SCAMP3: variants seen among roughly 807,000 people sequenced by gnomAD.
SCAMP3 encodes secretory carrier membrane protein 3, also known as secretory carrier-associated membrane protein 3.
A neutral mutation model predicts 44.1 loss-of-function variants in SCAMP3; 30 were observed. The observed-to-expected ratio is 0.68, with a 90% CI of 0.51 to 0.92. The LOEUF is 0.92. Among genes scored for constraint, SCAMP3 ranks in the 40% least tolerant of loss-of-function variants. The pLI is 0.00. For missense variants in SCAMP3, 394 were observed against 440.0 expected (o/e 0.90, Z 0.93); for synonymous variants, 168 against 171.1 (o/e 0.98, Z 0.14).
rs761496055 is a variant in SCAMP3 at position 155,257,278 on chromosome 1, C to T, written c.779+7G>A. 6.3e-7 allele frequency: 1 copy of T among 1,593,754 alleles called. No individual in the cohort carries two copies. Among genetic ancestry groups the T allele is most frequent in the East Asian group, 2.2e-5 (1 of 44,786 alleles). Reference sequence around the variant, plus strand: ...GAAAGGTGAGGGTGGATAACAGCCTCACAAACCTGAATCCCCAACCTGGGA... The same window carrying T: ...GAAAGGTGAGGGTGGATAACAGCCTTACAAACCTGAATCCCCAACCTGGGA... On this transcript the variant is annotated splice_region_variant and intron_variant, in intron 7 of 8. Coordinates refer to ENST00000302631, the MANE Select transcript of SCAMP3 (RefSeq NM_005698.4).
intron 2 of SCAMP3, chr1:155,261,383 C>T (rs749786276): frequency 4.2e-6 from 2 of 481,786 alleles, no homozygotes; most frequent in South Asian, 2.9e-5. Context: ...TTATTTTCTT[C>T]AAGAAAGCCT....
intron 5 of SCAMP3, among the ~76,000 whole-genome samples, chr1:155,258,491 C>A (rs1672866980): frequency 6.6e-6 from 1 of 151,950 alleles, no homozygotes; most frequent in South Asian, 2.1e-4. Context: ...CATGTGCCAC[C>A]ACGCCCAGGT....
intron 5 of SCAMP3, among the ~76,000 whole-genome samples, chr1:155,257,918 T>C (rs550635673): frequency 2.8e-4 from 42 of 151,576 alleles, no homozygotes; most frequent in East Asian, 1.6e-3. Flanking sequence ...AATCTCAGCT[T>C]ACTGCAAGCT....
At chr1:155,258,168 C>T (rs746653132) in intron 5 of SCAMP3, among the ~76,000 whole-genome samples, 28 of 151,744 alleles carry the variant, frequency 1.8e-4, no homozygotes, top group Non-Finnish European at 3.4e-4. Flanking sequence ...TACAGGCACC[C>T]GCCACCACGC....
intron 1 of SCAMP3, 150 bp downstream of exon 1, chr1:155,261,936 G>C (rs961464174): frequency 1.2e-6 from 1 of 839,260 alleles, no homozygotes; most frequent in African/African-American, 1.7e-5. Flanking sequence ...CCGCCCCCCA[G>C]AGTGCTCACT....
At position 155,260,321 on chromosome 1, in the gene SCAMP3, A is replaced by C; in HGVS notation, c.388+9T>G. The C allele has an allele frequency of 6.2e-7, 1 of 1,609,646 alleles. No homozygotes were observed. Among genetic ancestry groups the C allele is most frequent in the South Asian group, 1.1e-5 (1 of 91,076 alleles). On this transcript the variant is annotated intron_variant, in intron 4 of 8. Transcript: ENST00000302631. ...ACTCTCAGATGCTCTTCCCCACTCT[A>C]TTACTTACTAGCTGTGCCCCCCAGG... is the stretch of plus-strand genomic sequence containing the variant.
At chr1:155,259,104 T>A in intron 4 of SCAMP3, 150 bp from the exon 5 acceptor site, 2 of 647,530 alleles carry the variant, frequency 3.1e-6, no homozygotes, top group Non-Finnish European at 4.8e-6. Context: ...TGGAAGGTAG[T>A]GGTATGATCA....
At chr1:155,256,490 A>T (rs929567045) in intron 8 of SCAMP3, 71 bp from the exon 9 acceptor site, 1 of 1,522,730 alleles carries the variant, frequency 6.6e-7, no homozygotes, top group Non-Finnish European at 9.0e-7. Context: ...TAACAGCATC[A>T]CTACCACTCA....
At position 155,262,106 on chromosome 1, in the gene SCAMP3, C is replaced by T; in HGVS notation, c.46G>A (p.Glu16Lys). ...DGGNPFAEPS[E>K]LDNPFQDPAV... ...GTCACCTGAAAGGGGTTGTCAAGCT[C>T]GCTGGGCTCGGCGAACGGGTTTCCG... is the stretch of plus-strand genomic sequence containing the variant. The change falls in exon 1 of 9, where the codon GAG becomes AAG. Residue 16 changes from glutamate (E) to lysine (K), a missense_variant. By Grantham distance (56) the Glu-to-Lys change is moderately conservative. Transcript: ENST00000302631. 7 of 1,614,158 alleles carry T rather than the reference C, an allele frequency of 4.3e-6. No homozygotes were observed. The highest frequency in any genetic ancestry group is 5.1e-6 in the Non-Finnish European group (6 of 1,180,030).
intron 8 of SCAMP3, 61 bp downstream of exon 8, chr1:155,256,613 C>T (rs1572001674): frequency 6.7e-7 from 1 of 1,490,730 alleles, no homozygotes; most frequent in Non-Finnish European, 9.4e-7. Context: ...GAATGTTCCA[C>T]CCACGCCCCT....
rs759790975 is a variant in SCAMP3, at chr1:155,258,855, G to C, written c.488C>G (p.Thr163Ser). Residue 163 changes from threonine to serine, a missense_variant, in exon 5 of 9, where the codon ACT becomes AGT. Coordinates refer to ENST00000302631, the MANE Select transcript of SCAMP3 (RefSeq NM_005698.4). ...SMEIPQEFQK[T>S]VSTMYYLWMC... ...CCAGAGGTAGTACATGGTGGATACA[G>C]TCTTCTGAAATTCTTGGGGGATCTC... 1 of 1,613,162 alleles carries C rather than the reference G, an allele frequency of 6.2e-7. No individual in the cohort carries two copies. The highest frequency in any genetic ancestry group is 2.2e-5 in the East Asian group (1 of 44,802).
chr1:155,261,544 T>A (rs1170996012), intron 2 of SCAMP3, 113 bp downstream of exon 2: 6 of 949,422 alleles, frequency 6.3e-6, no homozygotes, highest in Admixed American at 5.2e-5. Flanking sequence ...GGAACTAAGA[T>A]CACAGTGCCT....
intron 4 of SCAMP3, among the ~76,000 whole-genome samples, chr1:155,259,473 C>T (rs1195295315): frequency 1.3e-5 from 2 of 152,166 alleles, no homozygotes; most frequent in African/African-American, 2.4e-5. Context: ...CCTGGCCGTC[C>T]ACCTCAGCTT....
Position 155,260,390 on chromosome 1 carries a change from C to T in SCAMP3, c.328G>A (p.Ala110Thr). The T allele has an allele frequency of 8.1e-6, 13 of 1,613,976 alleles. No individual in the cohort carries two copies. Among genetic ancestry groups the T allele is most frequent in the Non-Finnish European group, 1.1e-5 (13 of 1,180,046 alleles). The change falls in exon 4 of 9, where the codon GCA becomes ACA. Residue 110 changes from alanine to threonine, a missense_variant. Physicochemically the swap from Ala to Thr is moderately conservative, Grantham distance 58. Transcript: ENST00000302631. ...LKKQEELNRK[A>T]EELDRREREL... Reference sequence around the variant, plus strand: ...CGCTCCCTTCGGTCCAACTCCTCTGCCTTCCGGTTGAGCTCCTCCTGTTTC... The same window carrying T: ...CGCTCCCTTCGGTCCAACTCCTCTGTCTTCCGGTTGAGCTCCTCCTGTTTC...
intron 5 of SCAMP3, among the ~76,000 whole-genome samples, chr1:155,258,001 C>T (rs548388778): frequency 4.0e-4 from 59 of 148,676 alleles, no homozygotes; most frequent in East Asian, 1.6e-3. Context: ...CCCGCCACCA[C>T]GCCCAGCTAA....
Position 155,262,119 on chromosome 1 carries a change from G to A in SCAMP3, c.33C>T (p.Phe11=). 1 of 1,614,102 alleles carries A rather than the reference G, an allele frequency of 6.2e-7. No homozygotes were observed. The highest frequency in any genetic ancestry group is 8.5e-7 in the Non-Finnish European group (1 of 1,180,024). Residue 11 remains phenylalanine, a synonymous_variant, in exon 1 of 9, where the codon TTC becomes TTT. Transcript: ENST00000302631. MAQSRDGGNP[F]AEPSELDNPF... ...GGTTGTCAAGCTCGCTGGGCTCGGC[G>A]AACGGGTTTCCGCCGTCTCTGCTCT...
chr1:155,257,496 AC>A lies in SCAMP3; in HGVS notation c.677+1del, dbSNP rs1217800485. 18 of 1,613,394 alleles carry A rather than the reference AC, an allele frequency of 1.1e-5. No homozygotes were observed. Among genetic ancestry groups the A allele is most frequent in the Non-Finnish European group, 1.5e-5 (18 of 1,179,710 alleles). ...TCACTCTCCCACCACTAACACACTT[AC>A]CGGAAAGCCTTATACATGGGGCGGT... is the stretch of plus-strand genomic sequence containing the variant. On this transcript the variant is annotated splice_donor_variant, in intron 6 of 8. Transcript: ENST00000302631. LOFTEE classifies it high-confidence loss of function.
rs745810660 is a variant in SCAMP3, at chr1:155,262,174, G to GCCCTCTGCCCTCCACGC, written c.-40_-24dup. Reference sequence around the variant, plus strand: ...CATGTTTGCAACTGCGGCCTCCGCGGCCCTCTGCCCTCCACGCCCCTGCCG... The same window carrying GCCCTCTGCCCTCCACGC: ...CATGTTTGCAACTGCGGCCTCCGCGGCCCTCTGCCCTCCACGCCCCTCTGCCCTCCACGCCCCTGCCG... On this transcript the variant is annotated 5_prime_UTR_variant, in exon 1 of 9. Transcript: ENST00000302631. The GCCCTCTGCCCTCCACGC allele has an allele frequency of 1.5e-5, 24 of 1,609,244 alleles. No individual in the cohort carries two copies. Among genetic ancestry groups the GCCCTCTGCCCTCCACGC allele is most frequent in the Middle Eastern group, 1.7e-4 (1 of 6,030 alleles).
At chr1:155,259,046 CTTTTTTTTTTTTT>C in intron 4 of SCAMP3, 92 bp from the exon 5 acceptor site, 1 of 487,016 alleles carries the variant, frequency 2.1e-6, no homozygotes, top group East Asian at 4.4e-5. Context: ...TGGATCCTCT[CTTTTTTTTTTTTT>C]TTTTTTTTTG....
Sources: allele counts gnomAD v4.1 joint callset (sites outside exome capture counted in the v4.1 genomes callset), GRCh38; gene constraint gnomAD v4.1.1; transcripts MANE v1.5; gene names NCBI Gene and HGNC (gene_info 2026-07-23, HGNC 2026-07-21).